The following UBE3A variants were observed in gnomAD, a reference collection of about 807,000 sequenced individuals.
The protein encoded by UBE3A is ubiquitin-protein ligase E3A.
In UBE3A, 6 loss-of-function variants were observed where a neutral mutation model predicts 83.4. That is an observed-to-expected ratio of 0.07 (90% CI 0.04 to 0.14). UBE3A has a LOEUF of 0.14. UBE3A is among the 10% of genes least tolerant of loss of function. The pLI, the probability that UBE3A is intolerant of heterozygous loss-of-function variation, is 1.00. For missense variants in UBE3A, 456 were observed against 1,036.1 expected (o/e 0.44, Z 7.69); for synonymous variants, 337 against 355.4 (o/e 0.95, Z 0.58).
intron 5 of UBE3A, among the ~76,000 whole-genome samples, chr15:25,373,201 C>A (rs2080596577): frequency 6.6e-6 from 1 of 152,134 alleles, no homozygotes; most frequent in Non-Finnish European, 1.5e-5. Context: ...TTTTAAAATA[C>A]CTTCTTACAA....
At chr15:25,393,787 G>A (rs921045960) in intron 4 of UBE3A, 7 of 152,196 alleles carry the variant, frequency 4.6e-5, no homozygotes, top group African/African-American at 1.7e-4. Context: ...GCTTCAGGTG[G>A]TAGAAAAGCA....
chr15:25,368,023 C>T (rs1303325211), intron 6 of UBE3A, among the ~76,000 whole-genome samples: 1 of 151,974 alleles, frequency 6.6e-6, no homozygotes, highest in Non-Finnish European at 1.5e-5. Flanking sequence ...TTAAGCTTAC[C>T]ACAAAGTTTC....
At chr15:25,390,994 A>G (rs760922037) in intron 4 of UBE3A, among the ~76,000 whole-genome samples, 7 of 152,090 alleles carry the variant, frequency 4.6e-5, no homozygotes, top group Non-Finnish European at 1.0e-4. Context: ...GTAATCCTAC[A>G]CCTGGGTATA....
At chr15:25,428,616 T>C (rs1892121716) in intron 1 of UBE3A, among the ~76,000 whole-genome samples, 1 of 152,208 alleles carries the variant, frequency 6.6e-6, no homozygotes, top group Admixed American at 6.5e-5. Flanking sequence ...ACATTTATTT[T>C]TGAGATATTT....
chr15:25,393,138 A>G (rs970752106), intron 4 of UBE3A, among the ~76,000 whole-genome samples: 1 of 152,190 alleles, frequency 6.6e-6, no homozygotes, highest in South Asian at 2.1e-4. Context: ...CAATCCAGTT[A>G]GGTAATGACT....
At chr15:25,365,719 G>GC (rs374106584) in intron 6 of UBE3A, among the ~76,000 whole-genome samples, 235 of 144,578 alleles carry the variant, frequency 1.6e-3, no homozygotes, top group African/African-American at 5.9e-3. Context: ...CTGCACTCCA[G>GC]CCTGGGTGAC....
At chr15:25,351,735 A>G (rs1010556984) in intron 11 of UBE3A, among the ~76,000 whole-genome samples, 9 of 152,080 alleles carry the variant, frequency 5.9e-5, no homozygotes, top group Admixed American at 5.2e-4. Context: ...GCGTTTTTGC[A>G]TGTATTTTTT....
chr15:25,380,426 A>T (rs999840104), intron 4 of UBE3A, among the ~76,000 whole-genome samples: 1 of 152,054 alleles, frequency 6.6e-6, no homozygotes, highest in African/African-American at 2.4e-5. Context: ...TTAGTTTAGG[A>T]TCTATTATTT....
chr15:25,408,760 A>G, intron 3 of UBE3A: 1 of 1,194,120 alleles, frequency 8.4e-7, no homozygotes, highest in Non-Finnish European at 1.2e-6. Context: ...AACGTTCACC[A>G]CATAAAAGGC....
intron 6 of UBE3A, among the ~76,000 whole-genome samples, chr15:25,364,529 C>T (rs1242730501): frequency 6.6e-6 from 1 of 151,872 alleles, no homozygotes; most frequent in African/African-American, 2.4e-5. Context: ...GTTTTAAATG[C>T]ATTAGGATAT....
In UBE3A at chr15:25,377,162, A is replaced by G. The variant is rs192807313; in HGVS notation, c.63-1399T>C. On this transcript the variant is annotated intron_variant, in intron 4 of 12. Transcript: ENST00000648336. ...TGCCAGAGTTTACATCTTGCTAATC[A>G]TGAGAAACTCAACAATTAACAAGGC... Among the ~76,000 whole-genome samples the G allele has an allele frequency of 4.6e-5, 7 of 152,328 alleles. No homozygotes were observed. In the East Asian group the frequency reaches 1.2e-3, roughly 25 times the overall value.
In UBE3A at chr15:25,370,851, G is replaced by A. The variant is rs754422753; in HGVS notation, c.1323C>T (p.Ile441=). The A allele has an allele frequency of 1.2e-6, 2 of 1,614,036 alleles. No individual in the cohort carries two copies. Among genetic ancestry groups the A allele is most frequent in the Non-Finnish European group, 1.7e-6 (2 of 1,179,984 alleles). Residue 441 remains isoleucine (I), a synonymous_variant, in exon 6 of 13, where the codon ATC becomes ATT. Transcript: ENST00000648336. This position sits in a 1 kb window ranked among gnomAD's most constrained non-coding sequence, Gnocchi z 4.2. ...GTTCATTAATAAACTCTTCAAAAGG[G>A]ATAAGTGGTTTTCGACAATCCAGGG... is the stretch of plus-strand genomic sequence containing the variant. ...VKTLDCRKPL[I]PFEEFINEPL...
chr15:25,398,816 A>ATATATATATATAC (rs1567069211), intron 4 of UBE3A, among the ~76,000 whole-genome samples: 1 of 40,828 alleles, frequency 2.4e-5, no homozygotes, highest in Non-Finnish European at 5.3e-5. Flanking sequence ...TATATATATA[A>ATATATATATATAC]AAATACATAT....
At position 25,364,649 on chromosome 15, in the gene UBE3A, T is replaced by TTTG. The variant is rs1555395656; in HGVS notation, c.1609-4123_1609-4122insCAA. Among the ~76,000 whole-genome samples, 9 of 149,052 alleles carry TTTG rather than the reference T, an allele frequency of 6.0e-5. 1 individual carries two copies. The highest frequency in any genetic ancestry group is 2.2e-4 in the African/African-American group (9 of 40,282). On this transcript the variant is annotated intron_variant, in intron 6 of 12. Coordinates refer to ENST00000648336, the MANE Select transcript of UBE3A (RefSeq NM_130839.5). ...TTTTTAGGGTTTTTTTTGTTTGTTTTTTTTTTTTTTTTGAGACGGAGTCTC... is the reference window on the plus strand; with the variant it reads ...TTTTTAGGGTTTTTTTTGTTTGTTTTTTGTTTTTTTTTTTTGAGACGGAGTCTC...
chr15:25,408,418 A>C lies in UBE3A; in HGVS notation c.20+670T>G. 4.4e-6 allele frequency: 3 copies of C among 688,548 alleles called. No homozygotes were observed. The Admixed American group carries it at 7.3e-5, about 17-fold the overall frequency. The allele number at this position is 688,548 out of a possible 1,614,324, so 42.7% of individuals were successfully genotyped here. On this transcript the variant is annotated intron_variant, in intron 3 of 12. Coordinates refer to ENST00000648336, the MANE Select transcript of UBE3A (RefSeq NM_130839.5). ...AATTTTTGTATTAAACTATTGACTT[A>C]GGTTATCCTAAAGTGTGTCAGAATA...
intron 2 of UBE3A, among the ~76,000 whole-genome samples, chr15:25,409,633 G>A (rs1465688417): frequency 6.6e-6 from 1 of 152,052 alleles, no homozygotes; most frequent in Non-Finnish European, 1.5e-5. Flanking sequence ...TTCCTATCAA[G>A]GGATGGATTT....
intron 6 of UBE3A, among the ~76,000 whole-genome samples, chr15:25,367,194 TTTACATATTTGTAA>T (rs2079302399): frequency 8.2e-6 from 1 of 122,474 alleles, no homozygotes; most frequent in Non-Finnish European, 1.6e-5. Flanking sequence ...TATGTAAATA[TTTACATATTTGTAA>T]ATATGTAAAT....
intron 6 of UBE3A, among the ~76,000 whole-genome samples, chr15:25,365,957 G>A (rs549136652): frequency 2.6e-5 from 4 of 152,252 alleles, no homozygotes; most frequent in African/African-American, 7.2e-5. Flanking sequence ...GTTCGTCCAT[G>A]AGACCTGGAA....
intron 4 of UBE3A, among the ~76,000 whole-genome samples, chr15:25,384,159 T>C (rs767477054): frequency 1.3e-5 from 2 of 151,978 alleles, no homozygotes; most frequent in East Asian, 3.9e-4. Context: ...GACATGTACA[T>C]TGAAAATTAA....
Sources: gnomAD v4.1 joint callset for allele counts (sites outside exome capture counted in the v4.1 genomes callset) on GRCh38, gnomAD v4.1.1 for gene constraint, Gnocchi (gnomAD v3.1) non-coding constraint, MANE v1.5 for transcripts, NCBI Gene and HGNC (gene_info 2026-07-23, HGNC 2026-07-21) for gene names.